Variants in CCDC157 observed in about 807,000 individuals in gnomAD.
CCDC157 encodes the protein coiled-coil domain containing 157, also known as coiled-coil domain-containing protein 157.
A neutral mutation model predicts 70.9 loss-of-function variants in CCDC157; 60 were observed. The ratio of observed to expected loss-of-function variants is 0.85; its 90% CI spans 0.69 to 1.05. The LOEUF (loss-of-function observed/expected upper bound fraction) is 1.05. Among genes scored for constraint, CCDC157 ranks in the 50% least tolerant of loss-of-function variants. The pLI, the probability that CCDC157 is intolerant of heterozygous loss-of-function variation, is 0.00. For synonymous variants in CCDC157, 373 were observed against 422.4 expected (o/e 0.88, Z 1.43); for missense variants, 943 against 984.2 (o/e 0.96, Z 0.56).
intron 2 of CCDC157, among the ~76,000 whole-genome samples, chr22:30,365,078 T>C (rs1481177954): frequency 6.6e-6 from 1 of 152,058 alleles, no homozygotes; most frequent in African/African-American, 2.4e-5. Context: ...GAGAAGGCCA[T>C]TCCAGCAGAG....
chr22:30,369,533 G>A lies in CCDC157; in HGVS notation c.350G>A (p.Gly117Glu). ...AQAAGPCMSV[G>E]LTVRRFWDSL... Reference sequence around the variant, plus strand: ...GCTGCGGGGCCCTGCATGTCCGTGGGGCTCACGGTGCGGCGCTTCTGGGAC... The same window carrying A: ...GCTGCGGGGCCCTGCATGTCCGTGGAGCTCACGGTGCGGCGCTTCTGGGAC... The change falls in exon 4 of 12, where the codon GGG becomes GAG. Residue 117 changes from glycine to glutamate, a missense_variant. Gly to Glu is a moderately conservative substitution (Grantham distance 98). Coordinates refer to ENST00000338306, the MANE Select transcript of CCDC157 (RefSeq NM_001017437.5). 1 of 1,606,864 alleles carries A rather than the reference G, an allele frequency of 6.2e-7. No homozygotes were observed. The highest frequency in any genetic ancestry group is 8.5e-7 in the Non-Finnish European group (1 of 1,176,482).
intron 1 of CCDC157, among the ~76,000 whole-genome samples, chr22:30,359,373 CT>C (rs544729949): frequency 9.2e-4 from 140 of 152,308 alleles, no homozygotes; most frequent in African/African-American, 3.2e-3. Context: ...ACACGTATCC[CT>C]TGGGTGATAT....
At chr22:30,365,362 T>G (rs1601722900) in intron 2 of CCDC157, among the ~76,000 whole-genome samples, 2 of 134,594 alleles carry the variant, frequency 1.5e-5, no homozygotes, top group African/African-American at 2.9e-5. Context: ...GACTATGGGG[T>G]AGAGGGGAGG....
chr22:30,367,372 A>T (rs1488451767), intron 3 of CCDC157, among the ~76,000 whole-genome samples: 1 of 151,740 alleles, frequency 6.6e-6, no homozygotes, highest in Non-Finnish European at 1.5e-5. Context: ...AGTAGCTGGG[A>T]TTACAGGTGC....
At chr22:30,366,318 G>A (rs897873540) in intron 3 of CCDC157, 70 bp downstream of exon 3, 27 of 1,591,554 alleles carry the variant, frequency 1.7e-5, no homozygotes, top group African/African-American at 2.7e-5. Context: ...TGGCAGCTAC[G>A]GAAGCCCCTC....
chr22:30,365,190 T>G (rs1486844788), intron 2 of CCDC157, among the ~76,000 whole-genome samples: 2 of 152,066 alleles, frequency 1.3e-5, no homozygotes, highest in Non-Finnish European at 2.9e-5. Context: ...CCAGGAACCC[T>G]GGAGGATGAG....
At position 30,374,256 on chromosome 22, in the gene CCDC157, G is replaced by T. The variant is rs1388415881; in HGVS notation, c.1672+165G>T. On this transcript the variant is annotated intron_variant, in intron 9 of 11. Transcript: ENST00000338306. ...CCTGTGGACCCACCACAGCACGCAAGTGCTTCATGCGTCATCCACTCTGCA... is the reference window on the plus strand; with the variant it reads ...CCTGTGGACCCACCACAGCACGCAATTGCTTCATGCGTCATCCACTCTGCA... 1.0e-5 allele frequency: 8 copies of T among 765,360 alleles called. No homozygotes were observed. The East Asian group carries it at 1.9e-4, about 18-fold the overall frequency. The allele number at this position is 765,360 out of a possible 1,614,324, so 47.4% of individuals were successfully genotyped here.
chr22:30,366,088 T>G lies in CCDC157; in HGVS notation c.88T>G (p.Ser30Ala). 1 of 1,611,526 alleles carries G rather than the reference T, an allele frequency of 6.2e-7. No individual in the cohort carries two copies. Among genetic ancestry groups the G allele is most frequent in the Non-Finnish European group, 8.5e-7 (1 of 1,179,892 alleles). Residue 30 changes from serine to alanine, a missense_variant, in exon 3 of 12, where the codon TCC becomes GCC. Coordinates refer to ENST00000338306, the MANE Select transcript of CCDC157 (RefSeq NM_001017437.5). ...GCAGGGTGCCATCGTAGACGTCTTCTCCCGCGCCGGGCCTGTGCGCTTCCC... is the reference window on the plus strand; with the variant it reads ...GCAGGGTGCCATCGTAGACGTCTTCGCCCGCGCCGGGCCTGTGCGCTTCCC... ...DLQGAIVDVF[S>A]RAGPVRFPSW...
intron 1 of CCDC157, among the ~76,000 whole-genome samples, chr22:30,361,574 A>G (rs1159963152): frequency 1.3e-5 from 2 of 152,290 alleles, no homozygotes; most frequent in East Asian, 3.9e-4. Context: ...TGGCTAGTAG[A>G]AAAACCTAAA....
rs145192447 is a variant in CCDC157, at chr22:30,373,199, G to T, written c.1336-398G>T. 3.0e-4 allele frequency: 64 copies of T among 212,232 alleles called. 2 individuals are homozygous for T. Among genetic ancestry groups the T allele is most frequent in the African/African-American group, 1.4e-3 (61 of 42,656 alleles). 13.1% of individuals were successfully genotyped at this position (212,232 alleles called of 1,614,324 possible). On this transcript the variant is annotated intron_variant, in intron 7 of 11. Coordinates refer to ENST00000338306, the MANE Select transcript of CCDC157 (RefSeq NM_001017437.5). Reference sequence around the variant, plus strand: ...GTTCTTCCTGCTTTCCATTCAGTGGGTGTTAGGAAATGTGGGCTTCAGCAA... The same window carrying T: ...GTTCTTCCTGCTTTCCATTCAGTGGTTGTTAGGAAATGTGGGCTTCAGCAA...
intron 7 of CCDC157, chr22:30,372,639 G>C (rs906152303): frequency 4.6e-6 from 1 of 217,636 alleles, no homozygotes; most frequent in African/African-American, 2.3e-5. Context: ...TGGCCTTTGA[G>C]CTGGACGCCC....
In CCDC157 at chr22:30,370,880, G is replaced by A. The variant is rs1171560418; in HGVS notation, c.975G>A (p.Arg325=). 1.9e-6 allele frequency: 3 copies of A among 1,611,600 alleles called. No homozygotes were observed. The highest frequency in any genetic ancestry group is 2.2e-5 in the East Asian group (1 of 44,862). Residue 325 remains arginine (R), a synonymous_variant, in exon 5 of 12, where the codon CGG becomes CGA. Coordinates refer to ENST00000338306, the MANE Select transcript of CCDC157 (RefSeq NM_001017437.5). ...EQALKQEQGA[R]RRQAEEDEQC... Reference sequence around the variant, plus strand: ...CGCTGAAACAGGAGCAGGGGGCACGGCGGCGACAGGCGGAGGAGGATGAGC... The same window carrying A: ...CGCTGAAACAGGAGCAGGGGGCACGACGGCGACAGGCGGAGGAGGATGAGC...
rs557206038 is a variant in CCDC157 at position 30,376,125 on chromosome 22, T to C, written c.1858-134T>C. ...AGGCCCTGGAAGGCTTCCTAGGCCC[T>C]GCCCCTAGGTGAAAGGGCCCATGGA... On this transcript the variant is annotated intron_variant, in intron 10 of 11. Coordinates refer to ENST00000338306, the MANE Select transcript of CCDC157 (RefSeq NM_001017437.5). The C allele has an allele frequency of 1.8e-5, 13 of 742,020 alleles. No individual in the cohort carries two copies. In the African/African-American group the frequency reaches 2.3e-4, roughly 13 times the overall value. The allele number at this position is 742,020 out of a possible 1,614,324, so 46.0% of individuals were successfully genotyped here. A position where few individuals can be genotyped will look rare whatever the true frequency, so the allele number is the denominator to read the frequency against.
chr22:30,365,817 C>T (rs1932683312), intron 2 of CCDC157, 173 bp from the exon 3 acceptor site: 1 of 639,570 alleles, frequency 1.6e-6, no homozygotes, highest in Admixed American at 2.9e-5. Flanking sequence ...GTAAGGCCAC[C>T]CAGAACCGGG....
intron 2 of CCDC157, among the ~76,000 whole-genome samples, chr22:30,363,242 G>A (rs978310275): frequency 2.6e-5 from 4 of 152,144 alleles, no homozygotes; most frequent in Non-Finnish European, 2.9e-5. Flanking sequence ...CATCCAGATC[G>A]CCACCTTCAG....
In CCDC157 at chr22:30,370,909, G is replaced by C. The variant is rs1224745501; in HGVS notation, c.1004G>C (p.Cys335Ser). Residue 335 changes from cysteine to serine, a missense_variant, in exon 5 of 12, where the codon TGC becomes TCC. Transcript: ENST00000338306. ...CGACAGGCGGAGGAGGATGAGCAGT[G>C]CCTGTCTGAGTGGGAGCACGACAAA... ...RRRQAEEDEQ[C>S]LSEWEHDKQQ... The C allele has an allele frequency of 1.9e-6, 3 of 1,610,598 alleles. No individual in the cohort carries two copies.
intron 2 of CCDC157, among the ~76,000 whole-genome samples, chr22:30,365,186 A>G (rs1932638277): frequency 6.6e-6 from 1 of 152,102 alleles, no homozygotes; most frequent in African/African-American, 2.4e-5. Flanking sequence ...ATATCCAGGA[A>G]CCCTGGAGGA....
Position 30,372,163 on chromosome 22 carries a change from G to A in CCDC157, c.1212G>A (p.Gln404=). 1.3e-6 allele frequency: 2 copies of A among 1,570,144 alleles called. No homozygotes were observed. The highest frequency in any genetic ancestry group is 1.7e-6 in the Non-Finnish European group (2 of 1,159,010). ...AGCAGCTGGAGGAGCAGGTGCAGCA[G>A]TTGGAGGCGCAGGTGCAGCTGTTGG... ...QVQQLEEQVQ[Q]LEAQVQLLVG... The change falls in exon 7 of 12, where the codon CAG becomes CAA. Residue 404 remains glutamine, a synonymous_variant. Transcript: ENST00000338306.
chr22:30,373,557 G>C (rs761625174), intron 7 of CCDC157, 40 bp from the exon 8 acceptor site: 1 of 1,549,888 alleles, frequency 6.5e-7, no homozygotes, highest in Non-Finnish European at 8.7e-7. Flanking sequence ...GCCTAGCCCT[G>C]TGGGTCTCAC....
Sources: gnomAD v4.1 joint callset for allele counts (sites outside exome capture counted in the v4.1 genomes callset) on GRCh38, gnomAD v4.1.1 for gene constraint, MANE v1.5 for transcripts, NCBI Gene and HGNC (gene_info 2026-07-23, HGNC 2026-07-21) for gene names.